Variants in CARNS1 observed in about 807,000 individuals in gnomAD.
CARNS1 encodes the protein carnosine synthase 1, also known as ATP-grasp domain containing 1.
A neutral mutation model predicts 74.0 loss-of-function variants in CARNS1; 61 were observed. The ratio of observed to expected loss-of-function variants is 0.82; its 90% CI spans 0.67 to 1.02. The LOEUF (loss-of-function observed/expected upper bound fraction) is 1.02, where lower values mean the gene tolerates loss of function less well. CARNS1 is among the 50% of genes least tolerant of loss of function. CARNS1 has a pLI of 0.00. For synonymous variants in CARNS1, 568 were observed against 605.5 expected (o/e 0.94, Z 0.91); for missense variants, 1,278 against 1,308.4 (o/e 0.98, Z 0.36).
chr11:67,424,194 C>G lies in CARNS1; in HGVS notation c.2446C>G (p.Arg816Gly), dbSNP rs567691120. ...GCCTCGGCTTATCGAGATCAACCCC[C>G]GCATGGGTGGCTTCTACCTGCGTGA... The part of the protein sequence containing the change: ...AGPRLIEINP[R>G]MGGFYLRDWI... The change falls in exon 10 of 10, where the codon CGC becomes GGC. Residue 816 changes from arginine to glycine, a missense_variant. By Grantham distance (125) the Arg-to-Gly change is moderately radical. Transcript: ENST00000687366. 6.2e-7 allele frequency: 1 copy of G among 1,613,844 alleles called. No homozygotes were observed. The highest frequency in any genetic ancestry group is 8.5e-7 in the Non-Finnish European group (1 of 1,179,876).
chr11:67,420,910 G>T, intron 8 of CARNS1, 29 bp from the exon 9 acceptor site: 1 of 1,357,368 alleles, frequency 7.4e-7, no homozygotes, highest in Admixed American at 3.6e-5. Flanking sequence ...GGCTGCCGTA[G>T]CTGAGCTCGC....
chr11:67,424,434 C>T lies in CARNS1; in HGVS notation c.2686C>T (p.Leu896=), dbSNP rs1460537965. 8 of 1,588,812 alleles carry T rather than the reference C, an allele frequency of 5.0e-6. No homozygotes were observed. The East Asian group carries it at 1.4e-4, about 27-fold the overall frequency. ...CCGTGGACTGCTACGCCTCAATCTG[C>T]TGGAGGAGGCCCTGGTGCCTGGCGA... ...HDRGLLRLNL[L]EEALVPGEYE... is the part of the protein sequence containing the mutation. The change falls in exon 10 of 10, where the codon CTG becomes TTG. Residue 896 remains leucine (L), a synonymous_variant. Transcript: ENST00000687366.
In CARNS1 at chr11:67,419,225, C is replaced by A; in HGVS notation, c.834C>A (p.Ala278=). ...TGGAGGCTTTTCTGCGCTCCGAGGC[C>A]CTGGGTGATATCCTGCAGGTAACAG... ...EEVEAFLRSE[A]LGDILQVAVK... Residue 278 remains alanine (A), a synonymous_variant, in exon 5 of 10, where the codon GCC becomes GCA. Transcript: ENST00000687366. The A allele has an allele frequency of 6.7e-7, 1 of 1,485,840 alleles. No homozygotes were observed. Among genetic ancestry groups the A allele is most frequent in the Non-Finnish European group, 9.0e-7 (1 of 1,112,212 alleles). 92.0% of individuals were successfully genotyped at this position (1,485,840 alleles called of 1,614,324 possible).
At position 67,425,184 on chromosome 11, in the gene CARNS1, C is replaced by G; in HGVS notation, c.*583C>G. On this transcript the variant is annotated 3_prime_UTR_variant, in exon 10 of 10. Coordinates refer to ENST00000687366, the MANE Select transcript of CARNS1 (RefSeq NM_001166222.2). ...AGAAGTAATCCTCTTTCTGCTCACC[C>G]CAGGCAGACACAACTGCCTATGTTC... 2.4e-6 allele frequency: 1 copy of G among 413,574 alleles called. No individual in the cohort carries two copies. The highest frequency in any genetic ancestry group is 4.9e-6 in the Non-Finnish European group (1 of 205,516). The allele number at this position is 413,574 out of a possible 1,614,324, so 25.6% of individuals were successfully genotyped here.
Position 67,424,975 on chromosome 11 carries a change from C to T in CARNS1, c.*374C>T. The T allele has an allele frequency of 2.0e-6, 1 of 510,084 alleles. No homozygotes were observed. Among genetic ancestry groups the T allele is most frequent in the South Asian group, 1.5e-5 (1 of 65,022 alleles). 31.6% of individuals were successfully genotyped at this position (510,084 alleles called of 1,614,324 possible). A position where few individuals can be genotyped will look rare whatever the true frequency, so the allele number is the denominator to read the frequency against. The stretch of plus-strand genomic sequence containing the variant: ...TCTCCAGGTCTCACTCTCTTCCTGC[C>T]ATCTACAAGAGGAGAGGACCTGGCT... On this transcript the variant is annotated 3_prime_UTR_variant, in exon 10 of 10. Coordinates refer to ENST00000687366, the MANE Select transcript of CARNS1 (RefSeq NM_001166222.2).
intron 1 of CARNS1, 34 bp from the exon 2 acceptor site, chr11:67,416,142 C>T: frequency 7.4e-7 from 1 of 1,358,678 alleles, no homozygotes; most frequent in Non-Finnish European, 1.0e-6. Context: ...GCCCTGACTC[C>T]TTCGTCTCTC....
At position 67,423,312 on chromosome 11, in the gene CARNS1, T is replaced by A. The variant is rs1243476382; in HGVS notation, c.1627-63T>A. 1 of 1,529,762 alleles carries A rather than the reference T, an allele frequency of 6.5e-7. No individual in the cohort carries two copies. The highest frequency in any genetic ancestry group is 8.8e-7 in the Non-Finnish European group (1 of 1,131,018). The allele number at this position is 1,529,762 out of a possible 1,614,324, so 94.8% of individuals were successfully genotyped here. A position where few individuals can be genotyped will look rare whatever the true frequency, so the allele number is the denominator to read the frequency against. ...CCTGAAGGGGCCATCCTAGGCCCCATCCTATCCCCCTAGCACCCAGTACTA... is the reference window on the plus strand; with the variant it reads ...CCTGAAGGGGCCATCCTAGGCCCCAACCTATCCCCCTAGCACCCAGTACTA... On this transcript the variant is annotated intron_variant, in intron 9 of 9. Transcript: ENST00000687366. The surrounding 1 kb of genome is among the most constrained non-coding windows in gnomAD (Gnocchi z 5.1).
chr11:67,420,906 C>G lies in CARNS1; in HGVS notation c.1346-33C>G, dbSNP rs768266200. Reference sequence around the variant, plus strand: ...CCAGGGGCTGGAGGGCGGTGGCTGCCGTAGCTGAGCTCGCGCCTCCCGCCC... The same window carrying G: ...CCAGGGGCTGGAGGGCGGTGGCTGCGGTAGCTGAGCTCGCGCCTCCCGCCC... On this transcript the variant is annotated intron_variant, in intron 8 of 9. Coordinates refer to ENST00000687366, the MANE Select transcript of CARNS1 (RefSeq NM_001166222.2). 2.0e-4 allele frequency: 272 copies of G among 1,354,118 alleles called. 7 individuals are homozygous for G. In the South Asian group the frequency reaches 4.2e-3, roughly 21 times the overall value. 83.9% of individuals were successfully genotyped at this position (1,354,118 alleles called of 1,614,324 possible). A position where few individuals can be genotyped will look rare whatever the true frequency, so the allele number is the denominator to read the frequency against.
intron 7 of CARNS1, among the ~76,000 whole-genome samples, chr11:67,420,149 T>C (rs1216929995): frequency 6.6e-6 from 1 of 152,170 alleles, no homozygotes; most frequent in Non-Finnish European, 1.5e-5. Context: ...CAGGGCCTCC[T>C]GATAAACCTC....
In CARNS1 at chr11:67,423,976, G is replaced by A. The variant is rs759926186; in HGVS notation, c.2228G>A (p.Arg743Gln). 1.8e-5 allele frequency: 29 copies of A among 1,613,284 alleles called. No homozygotes were observed. The highest frequency in any genetic ancestry group is 3.3e-4 in the Middle Eastern group (2 of 6,084). Residue 743 changes from arginine to glutamine, a missense_variant, in exon 10 of 10, where the codon CGG becomes CAG. Arg to Gln is a conservative substitution (Grantham distance 43). Transcript: ENST00000687366. This position sits in a 1 kb window ranked among gnomAD's most constrained non-coding sequence, Gnocchi z 5.1. Reference sequence around the variant, plus strand: ...GTGGACCTGGTGTTGTTTGGTGGGCGGTTGCTGGCTGCCTTTGTCTCCGAC... The same window carrying A: ...GTGGACCTGGTGTTGTTTGGTGGGCAGTTGCTGGCTGCCTTTGTCTCCGAC... ...HDVDLVLFGG[R>Q]LLAAFVSDNG...
At chr11:67,416,019 C>T in intron 1 of CARNS1, 157 bp from the exon 2 acceptor site, 1 of 647,258 alleles carries the variant, frequency 1.5e-6, no homozygotes, top group Non-Finnish European at 2.8e-6. Flanking sequence ...GAAATCCCTC[C>T]CTACCTTCGG....
Position 67,419,531 on chromosome 11 carries a change from A to G in CARNS1, c.897A>G (p.Ala299=). The G allele has an allele frequency of 1.2e-6, 2 of 1,609,588 alleles. No homozygotes were observed. The highest frequency in any genetic ancestry group is 1.1e-5 in the South Asian group (1 of 90,738). The part of the protein sequence containing the change: ...LSGWRWRGRQ[A]WRLHPRAELG... ...GCTGGCGCTGGCGGGGGCGGCAGGC[A>G]TGGCGTCTGCACCCGCGGGCAGAGC... Residue 299 remains alanine (A), a synonymous_variant, in exon 6 of 10, where the codon GCA becomes GCG. Coordinates refer to ENST00000687366, the MANE Select transcript of CARNS1 (RefSeq NM_001166222.2).
chr11:67,424,503 CCCA>C lies in CARNS1; in HGVS notation c.2758_2760del (p.Thr920del). The C allele has an allele frequency of 6.3e-7, 1 of 1,588,828 alleles. No individual in the cohort carries two copies. The highest frequency in any genetic ancestry group is 8.6e-7 in the Non-Finnish European group (1 of 1,169,366). ...CAGTGTGGCCTGTGCCGGACCCAGC[CCCA>C]CCGAGGCCCGTCTCCGCCTGCTGGG... On this transcript the variant is annotated inframe_deletion, in exon 10 of 10. Transcript: ENST00000687366.
Position 67,424,719 on chromosome 11 carries a change from C to A in CARNS1, c.*118C>A. 8.6e-7 allele frequency: 1 copy of A among 1,165,114 alleles called. No individual in the cohort carries two copies. The highest frequency in any genetic ancestry group is 1.2e-6 in the Non-Finnish European group (1 of 847,182). The allele number at this position is 1,165,114 out of a possible 1,614,324, so 72.2% of individuals were successfully genotyped here. On this transcript the variant is annotated 3_prime_UTR_variant, in exon 10 of 10. Transcript: ENST00000687366. Reference sequence around the variant, plus strand: ...CATGCCCCAGCCCCAGCCTGGCCCGCTGCAATGCCTAGGTCTGTTCCAGAG... The same window carrying A: ...CATGCCCCAGCCCCAGCCTGGCCCGATGCAATGCCTAGGTCTGTTCCAGAG...
At chr11:67,418,607 C>A in intron 4 of CARNS1, 87 bp downstream of exon 4, 3 of 1,440,404 alleles carry the variant, frequency 2.1e-6, no homozygotes, top group Non-Finnish European at 2.8e-6. Flanking sequence ...TACCCGCCAA[C>A]CCTGGCAACT....
In CARNS1 at chr11:67,419,295, A is replaced by G. The variant is rs369483328; in HGVS notation, c.852+52A>G. ...TCTGTACAGATGCCAGCAGGATGGG[A>G]CCCAGGCACGGTTACCAAGTCTGGC... On this transcript the variant is annotated intron_variant, in intron 5 of 9. Coordinates refer to ENST00000687366, the MANE Select transcript of CARNS1 (RefSeq NM_001166222.2). 1,472 of 1,467,162 alleles carry G rather than the reference A, an allele frequency of 1.0e-3. 5 individuals carry two copies. Among genetic ancestry groups the G allele is most frequent in the Non-Finnish European group, 1.2e-3 (1,346 of 1,106,860 alleles). The allele number at this position is 1,467,162 out of a possible 1,614,324, so 90.9% of individuals were successfully genotyped here.
chr11:67,419,620 T>C lies in CARNS1; in HGVS notation c.986T>C (p.Leu329Pro). The C allele has an allele frequency of 1.2e-6, 2 of 1,601,550 alleles. No homozygotes were observed. Among genetic ancestry groups the C allele is most frequent in the Non-Finnish European group, 1.7e-6 (2 of 1,175,456 alleles). Residue 329 changes from leucine to proline, a missense_variant, in exon 6 of 10, where the codon CTG becomes CCG. Physicochemically the swap from Leu to Pro is moderately conservative, Grantham distance 98. This residue lies in a region of CARNS1 where 1,164 missense variants were observed against 1,156.5 expected (regional missense o/e 1.01). Coordinates refer to ENST00000687366, the MANE Select transcript of CARNS1 (RefSeq NM_001166222.2). ...AAGCTGGAGGAGGAGGAGAGTGTCC[T>C]GGTGGAGGCTGTGTACCCACCTGCC... Reference protein sequence around the residue: ...LEKLEEEESVLVEAVYPPAQL... With the variant: ...LEKLEEEESVPVEAVYPPAQL...
chr11:67,419,772 C>T lies in CARNS1; in HGVS notation c.1047C>T (p.Pro349=), dbSNP rs375807563. ...LPCSDGPSPG[P]GLAVRICAVV... is the part of the protein sequence containing the mutation. ...CCCCAGATGGTCCTTCACCCGGCCCCGGCCTGGCCGTGCGAATCTGTGCTG... is the reference window on the plus strand; with the variant it reads ...CCCCAGATGGTCCTTCACCCGGCCCTGGCCTGGCCGTGCGAATCTGTGCTG... Residue 349 remains proline, a synonymous_variant, in exon 7 of 10, where the codon CCC becomes CCT. Transcript: ENST00000687366. The T allele has an allele frequency of 3.6e-5, 58 of 1,604,546 alleles. 1 individual carries two copies. The highest frequency in any genetic ancestry group is 1.0e-4 in the South Asian group (9 of 89,274).
Position 67,419,071 on chromosome 11 carries a change from C to G in CARNS1, c.680C>G (p.Ala227Gly), listed in dbSNP as rs765688569. 1 of 1,562,848 alleles carries G rather than the reference C, an allele frequency of 6.4e-7. No homozygotes were observed. Among genetic ancestry groups the G allele is most frequent in the South Asian group, 1.2e-5 (1 of 84,894 alleles). ...RQLLAQQGGVAVPATLAFTYK... is the reference protein window; with the variant it reads ...RQLLAQQGGVGVPATLAFTYK... ...TTGCTGGCCCAGCAGGGTGGTGTGG[C>G]TGTGCCAGCAACCCTGGCTTTCACC... Residue 227 changes from alanine to glycine, a missense_variant, in exon 5 of 10, where the codon GCT becomes GGT. This residue lies in a region of CARNS1 where 1,164 missense variants were observed against 1,156.5 expected (regional missense o/e 1.01). Transcript: ENST00000687366.
Sources: allele counts gnomAD v4.1 joint callset (sites outside exome capture counted in the v4.1 genomes callset), GRCh38; gene constraint gnomAD v4.1.1; regional missense constraint gnomAD v4.1.1; non-coding constraint Gnocchi (gnomAD v3.1); transcripts MANE v1.5; gene names NCBI Gene and HGNC (gene_info 2026-07-23, HGNC 2026-07-21).